DCDC2: variants seen among roughly 807,000 people sequenced by gnomAD.
DCDC2 encodes doublecortin domain-containing protein 2.
A neutral mutation model predicts 50.2 loss-of-function variants in DCDC2; 40 were observed. The observed-to-expected ratio is 0.80, with a 90% CI of 0.62 to 1.04. DCDC2 has a LOEUF of 1.04. DCDC2 is among the 50% of genes least tolerant of loss of function. The pLI is 0.00. For missense variants in DCDC2, 570 were observed against 581.9 expected, an observed-to-expected ratio of 0.98 and a Z score of 0.21; for synonymous variants, 234 against 210.6, an observed-to-expected ratio of 1.11 and a Z score of -0.96.
intron 2 of DCDC2, among the ~76,000 whole-genome samples, chr6:24,303,988 AT>A (rs1205271410): frequency 6.6e-5 from 10 of 152,114 alleles, no homozygotes; most frequent in Non-Finnish European, 1.5e-4. Context: ...AAGAATGAAT[AT>A]TTTTTCTGTG....
chr6:24,372,700 G>GC, the DCDC2 span, among the ~76,000 whole-genome samples: 4 of 152,066 alleles, frequency 2.6e-5, no homozygotes, highest in East Asian at 7.8e-4. Context: ...CTCACTCATA[G>GC]ATGGGAACTG....
chr6:24,366,365 G>A, the DCDC2 span, among the ~76,000 whole-genome samples: 18 of 152,178 alleles, frequency 1.2e-4, 1 homozygote, highest in South Asian at 4.2e-4. Flanking sequence ...TTATGTTGAC[G>A]GATTTGATAG....
At position 24,199,018 on chromosome 6, in the gene DCDC2, C is replaced by T. The variant is rs537375938; in HGVS notation, c.1023+5984G>A. Among the ~76,000 whole-genome samples the T allele has an allele frequency of 8.6e-4, 131 of 152,310 alleles. 1 individual carries two copies. Among genetic ancestry groups the T allele is most frequent in the African/African-American group, 2.9e-3 (122 of 41,582 alleles). ...GAGGCAGCAGCTCCAGTCAGGGGCT[C>T]ATAGATAAAACTCCCATCTCCCTGG... On this transcript the variant is annotated intron_variant, in intron 8 of 9. Transcript: ENST00000378454.
intron 2 of DCDC2, among the ~76,000 whole-genome samples, chr6:24,332,839 T>A (rs895819240): frequency 1.3e-5 from 2 of 152,126 alleles, no homozygotes; most frequent in African/African-American, 4.8e-5. Context: ...GACACTGTGT[T>A]TGATGCTGGG....
intron 7 of DCDC2, among the ~76,000 whole-genome samples, chr6:24,207,435 G>A (rs1373476097): frequency 6.6e-6 from 1 of 152,156 alleles, no homozygotes; most frequent in African/African-American, 2.4e-5. Context: ...ATAGCTGCAT[G>A]TTGCAGTACC....
At chr6:24,205,182 C>T (rs528244501) in intron 7 of DCDC2, 80 bp from the exon 8 acceptor site, 49 of 1,614,010 alleles carry the variant, frequency 3.0e-5, no homozygotes, top group Non-Finnish European at 3.2e-5. Context: ...CAATCAAATG[C>T]TTATTTTTAA....
intron 8 of DCDC2, among the ~76,000 whole-genome samples, chr6:24,186,096 T>C (rs535520652): frequency 1.4e-4 from 22 of 152,368 alleles, no homozygotes; most frequent in Non-Finnish European, 1.6e-4. Context: ...CTTTTTGTTG[T>C]TTCCAAACTG....
intron 2 of DCDC2, among the ~76,000 whole-genome samples, chr6:24,350,916 A>G (rs1760357512): frequency 6.6e-6 from 1 of 152,164 alleles, no homozygotes; most frequent in South Asian, 2.1e-4. Context: ...TCTGTTCTCA[A>G]ATTTTGAGCA....
At chr6:24,320,963 A>T (rs9467111) in intron 2 of DCDC2, among the ~76,000 whole-genome samples, 117,416 of 148,502 alleles carry the variant, frequency 0.79, 46,662 homozygotes, top group Non-Finnish European at 0.84. Flanking sequence ...AAAATTAAAA[A>T]AAAAAAAAAA....
rs1763732247 is a variant in DCDC2, at chr6:24,290,997, A to C, written c.639T>G (p.Asp213Glu). The C allele has an allele frequency of 1.9e-6, 3 of 1,613,910 alleles. No individual in the cohort carries two copies. The highest frequency in any genetic ancestry group is 1.7e-5 in the Admixed American group (1 of 59,992). Reference protein sequence around the residue: ...NGQFYVAVGRDKFKKLPYSEL... With the variant: ...NGQFYVAVGREKFKKLPYSEL... ...CACTGTAAGGCAGTTTCTTAAACTT[A>C]TCTCTGCCAACAGCCACATAAAACT... The change falls in exon 5 of 10, where the codon GAT (aspartate) becomes GAG (glutamate). Residue 213 changes from aspartate to glutamate, a missense_variant. Coordinates refer to ENST00000378454, the MANE Select transcript of DCDC2 (RefSeq NM_016356.5).
intron 7 of DCDC2, among the ~76,000 whole-genome samples, chr6:24,277,206 TTAATC>T (rs1202186743): frequency 6.7e-6 from 1 of 149,274 alleles, no homozygotes; most frequent in Non-Finnish European, 1.5e-5. Context: ...GCTTTGCCCA[TTAATC>T]TGAAACCTGA....
intron 2 of DCDC2, among the ~76,000 whole-genome samples, chr6:24,339,895 A>G (rs564421310): frequency 6.2e-4 from 94 of 152,336 alleles, no homozygotes; most frequent in Middle Eastern, 3.4e-3. Flanking sequence ...ACTTGATGCT[A>G]TAAGATAGAG....
intron 7 of DCDC2, among the ~76,000 whole-genome samples, chr6:24,254,707 A>G (rs1762859056): frequency 6.6e-6 from 1 of 152,176 alleles, no homozygotes; most frequent in Non-Finnish European, 1.5e-5. Context: ...ACCATCACGT[A>G]ACAAAAACTC....
At chr6:24,176,765 C>T (rs1581567861) in intron 9 of DCDC2, among the ~76,000 whole-genome samples, 1 of 152,296 alleles carries the variant, frequency 6.6e-6, no homozygotes, top group East Asian at 1.9e-4. Context: ...CAACATCTCT[C>T]CAACCCTGTA....
At chr6:24,284,432 C>A (rs1430199594) in intron 6 of DCDC2, among the ~76,000 whole-genome samples, 1 of 151,498 alleles carries the variant, frequency 6.6e-6, no homozygotes, top group Non-Finnish European at 1.5e-5. Flanking sequence ...ATGGTGAAAC[C>A]CCGTCTCTAC....
the DCDC2 span, among the ~76,000 whole-genome samples, chr6:24,364,459 T>C: frequency 6.6e-6 from 1 of 152,186 alleles, no homozygotes. Flanking sequence ...AATCTTCATA[T>C]AATTATATGT....
intron 8 of DCDC2, among the ~76,000 whole-genome samples, chr6:24,203,738 A>T (rs1761639788): frequency 6.6e-6 from 1 of 152,198 alleles, no homozygotes; most frequent in Non-Finnish European, 1.5e-5. Flanking sequence ...CAATCTATTC[A>T]TCTGACAGGG....
chr6:24,376,817 T>TA, the DCDC2 span, among the ~76,000 whole-genome samples: 1,414 of 132,570 alleles, frequency 0.011, 9 homozygotes, highest in South Asian at 0.022. Flanking sequence ...GTTTTTTTAA[T>TA]AAAAAAAAAA....
intron 8 of DCDC2, among the ~76,000 whole-genome samples, chr6:24,198,556 T>C (rs1761501955): frequency 1.3e-5 from 2 of 151,682 alleles, no homozygotes; most frequent in Non-Finnish European, 2.9e-5. Context: ...AGGCCCTGGG[T>C]TTCAAGCACA....
Sources: gnomAD v4.1 joint callset for allele counts (sites outside exome capture counted in the v4.1 genomes callset) on GRCh38, gnomAD v4.1.1 for gene constraint, MANE v1.5 for transcripts, NCBI Gene and HGNC (gene_info 2026-07-23, HGNC 2026-07-21) for gene names.